The following MAPK14 variants were observed in gnomAD, a reference collection of about 807,000 sequenced individuals.
MAPK14 encodes the protein CSAID-binding protein.
MAPK14 carries 16 observed loss-of-function variants against 49.6 expected under a neutral mutation model. The ratio of observed to expected loss-of-function variants is 0.32; its 90% confidence interval spans 0.22 to 0.49. The LOEUF is 0.49. MAPK14 is among the 20% of genes least tolerant of loss of function. The probability of loss-of-function intolerance (pLI) is 0.99; values close to 1 mark genes in which losing one functional copy is unlikely to be tolerated. For missense variants in MAPK14, 200 were observed against 441.2 expected (o/e 0.45, Z 4.90); for synonymous variants, 142 against 158.0 (o/e 0.90, Z 0.76).
In MAPK14 at chr6:36,110,073, T is replaced by A. The variant is rs1327240524; in HGVS notation, c.*1626T>A. 6.6e-6 allele frequency: 1 copy of A among 152,226 alleles called. No individual in the cohort carries two copies. Among genetic ancestry groups the A allele is most frequent in the Non-Finnish European group, 1.5e-5 (1 of 68,038 alleles). 9.4% of individuals were successfully genotyped at this position (152,226 alleles called of 1,614,324 possible). A position where few individuals can be genotyped will look rare whatever the true frequency, so the allele number is the denominator to read the frequency against. The stretch of plus-strand genomic sequence containing the variant: ...TAAAATATCCTCAGGGGTGGAGAAG[T>A]GTCGTTTTCATAACTTGCTGAATTT... On this transcript the variant is annotated 3_prime_UTR_variant, in exon 12 of 12. Transcript: ENST00000229794.
rs1346629347 is a variant in MAPK14 at position 36,028,454 on chromosome 6, C to G, written c.116+181C>G. Among the ~76,000 whole-genome samples, 1 of 152,246 alleles carries G rather than the reference C, an allele frequency of 6.6e-6. No individual in the cohort carries two copies. Among genetic ancestry groups the G allele is most frequent in the Non-Finnish European group, 1.5e-5 (1 of 68,040 alleles). ...CAGCACCCCTCGCCCTGCACTCACG[C>G]AGGTATGCGGTCCACCGTGTGCAGC... On this transcript the variant is annotated intron_variant, in intron 1 of 11. Coordinates refer to ENST00000229794, the MANE Select transcript of MAPK14 (RefSeq NM_139012.3). The surrounding 1 kb of genome is among the most constrained non-coding windows in gnomAD (Gnocchi z 5.1).
chr6:36,059,099 AG>A (rs1323901932), intron 2 of MAPK14, among the ~76,000 whole-genome samples, 189 bp from the exon 3 acceptor site: 1 of 152,124 alleles, frequency 6.6e-6, no homozygotes, highest in East Asian at 1.9e-4. Flanking sequence ...CATGTTGGCC[AG>A]GCTGGTCTCG....
downstream of MAPK14, among the ~76,000 whole-genome samples, chr6:36,114,977 G>A (rs544435547): frequency 1.2e-4 from 19 of 152,252 alleles, no homozygotes; most frequent in African/African-American, 4.1e-4. Context: ...CTTGTTAGGG[G>A]GAGTTTGCAG....
At chr6:36,072,612 A>G (rs1408992454) in intron 3 of MAPK14, among the ~76,000 whole-genome samples, 2 of 151,904 alleles carry the variant, frequency 1.3e-5, no homozygotes, top group Non-Finnish European at 2.9e-5. Context: ...TAAAAATACA[A>G]AGATTAGCCG....
At chr6:36,058,405 T>C (rs1763668511) in intron 2 of MAPK14, among the ~76,000 whole-genome samples, 1 of 152,208 alleles carries the variant, frequency 6.6e-6, no homozygotes, top group African/African-American at 2.4e-5. Context: ...CTTTTTGCCT[T>C]CTGATAAACT....
At chr6:36,068,446 C>A (rs1266187042) in intron 3 of MAPK14, among the ~76,000 whole-genome samples, 1 of 152,196 alleles carries the variant, frequency 6.6e-6, no homozygotes, top group Non-Finnish European at 1.5e-5. Context: ...AAGAAACACT[C>A]TTCCCCTGTG....
intron 8 of MAPK14, among the ~76,000 whole-genome samples, chr6:36,090,612 A>C (rs1581829140): frequency 7.0e-6 from 1 of 142,450 alleles, no homozygotes; most frequent in Non-Finnish European, 1.5e-5. Context: ...TGCAACCTCC[A>C]CCTCCCGTGT....
chr6:36,083,834 C>T (rs1764864856), intron 8 of MAPK14, among the ~76,000 whole-genome samples: 1 of 152,226 alleles, frequency 6.6e-6, no homozygotes, highest in African/African-American at 2.4e-5. Context: ...GTGCAGCACA[C>T]CCCCTCCACC....
At chr6:36,123,192 G>A in the MAPK14 span, among the ~76,000 whole-genome samples, 4 of 152,278 alleles carry the variant, frequency 2.6e-5, no homozygotes, top group East Asian at 7.7e-4. Flanking sequence ...AGCTTCAGTG[G>A]GAGTGGTGAG....
At chr6:36,044,545 T>C (rs192163077) in intron 1 of MAPK14, among the ~76,000 whole-genome samples, 17 of 152,268 alleles carry the variant, frequency 1.1e-4, no homozygotes, top group Admixed American at 9.2e-4. Context: ...TCATGGAATA[T>C]AAACACAAGT....
chr6:36,056,117 C>G (rs1018391884), intron 2 of MAPK14, among the ~76,000 whole-genome samples: 1 of 151,782 alleles, frequency 6.6e-6, no homozygotes, highest in Non-Finnish European at 1.5e-5. Context: ...TTTCTTCTTG[C>G]AGTCATGGTT....
rs1191137297 is a variant in MAPK14, at chr6:36,107,751, A to G, written c.1015+123A>G. 1.7e-6 allele frequency: 1 copy of G among 581,380 alleles called. No individual in the cohort carries two copies. The allele number at this position is 581,380 out of a possible 1,614,324, so 36.0% of individuals were successfully genotyped here. A position where few individuals can be genotyped will look rare whatever the true frequency, so the allele number is the denominator to read the frequency against. ...AGATGAGGTCTCTAATGCAGAATGA[A>G]TATGTTCTCTGGTGGAAACTGTTGT... On this transcript the variant is annotated intron_variant, in intron 11 of 11. Transcript: ENST00000229794. This position sits in a 1 kb window ranked among gnomAD's most constrained non-coding sequence, Gnocchi z 4.3.
chr6:36,095,785 C>CT (rs1765421800), intron 8 of MAPK14, among the ~76,000 whole-genome samples: 1 of 151,716 alleles, frequency 6.6e-6, no homozygotes, highest in Admixed American at 6.6e-5. Flanking sequence ...CATTTTGAAT[C>CT]TTTGTACAGG....
At position 36,111,196 on chromosome 6, in the gene MAPK14, T is replaced by C. The variant is rs1023343832; in HGVS notation, c.*2749T>C. On this transcript the variant is annotated 3_prime_UTR_variant, in exon 12 of 12. Transcript: ENST00000229794. ...GCATGTGATGTAAGTAATGTAAAACTTAAATTCCAGTATCCATAAATAAAG... is the reference window on the plus strand; with the variant it reads ...GCATGTGATGTAAGTAATGTAAAACCTAAATTCCAGTATCCATAAATAAAG... 6.6e-6 allele frequency: 1 copy of C among 152,170 alleles called. No individual in the cohort carries two copies. The allele number at this position is 152,170 out of a possible 1,614,324, so 9.4% of individuals were successfully genotyped here. A position where few individuals can be genotyped will look rare whatever the true frequency, so the allele number is the denominator to read the frequency against.
At chr6:36,083,357 C>G (rs1401848498) in intron 8 of MAPK14, among the ~76,000 whole-genome samples, 1 of 152,208 alleles carries the variant, frequency 6.6e-6, no homozygotes, top group Non-Finnish European at 1.5e-5. Flanking sequence ...GGAGATCCCC[C>G]TCATGAGCAC....
chr6:36,100,910 C>T (rs1765612015), intron 9 of MAPK14, among the ~76,000 whole-genome samples: 1 of 152,116 alleles, frequency 6.6e-6, no homozygotes, highest in African/African-American at 2.4e-5. Context: ...AGCTTTGTTT[C>T]TACTTCAGCT....
rs915782660 is a variant in MAPK14, at chr6:36,065,277, C to T, written c.305+5930C>T. On this transcript the variant is annotated intron_variant, in intron 3 of 11. Transcript: ENST00000229794. Reference sequence around the variant, plus strand: ...TGCTGAATCATTATTGGAGTATATGCACTCCATTGTTTGTTAAACAGGTGA... The same window carrying T: ...TGCTGAATCATTATTGGAGTATATGTACTCCATTGTTTGTTAAACAGGTGA... 3.0e-4 allele frequency among the ~76,000 whole-genome samples: 46 copies of T among 152,156 alleles called. 1 individual carries two copies. The highest frequency in any genetic ancestry group is 3.0e-3 in the Admixed American group (46 of 15,270).
chr6:36,046,205 C>A (rs758499718), intron 1 of MAPK14, among the ~76,000 whole-genome samples: 1 of 152,066 alleles, frequency 6.6e-6, no homozygotes, highest in Admixed American at 6.6e-5. Flanking sequence ...TTTTATATTT[C>A]TTTCAGTTAT....
chr6:36,095,482 A>G (rs1221002040), intron 8 of MAPK14, among the ~76,000 whole-genome samples: 2 of 152,102 alleles, frequency 1.3e-5, no homozygotes, highest in Admixed American at 1.3e-4. Context: ...TCATATCACA[A>G]GCTCTTTAGG....
Sources: allele counts gnomAD v4.1 joint callset (sites outside exome capture counted in the v4.1 genomes callset), GRCh38; gene constraint gnomAD v4.1.1; non-coding constraint Gnocchi (gnomAD v3.1); transcripts MANE v1.5; gene names NCBI Gene and HGNC (gene_info 2026-07-23, HGNC 2026-07-21).